Variants in ARFGEF2 observed in about 807,000 individuals in gnomAD.
ARFGEF2 encodes ARF guanine nucleotide exchange factor 2, also known as brefeldin A-inhibited guanine nucleotide-exchange protein 2.
ARFGEF2 carries 74 observed loss-of-function variants against 219.9 expected under a neutral mutation model. That is an observed-to-expected ratio of 0.34 (90% confidence interval 0.28 to 0.41). The LOEUF (loss-of-function observed/expected upper bound fraction) is 0.41. ARFGEF2 is among the 10% of genes least tolerant of loss of function. The pLI is 1.00. For missense variants in ARFGEF2, 1,743 were observed against 2,218.3 expected (o/e 0.79, Z 4.30); for synonymous variants, 733 against 799.2 (o/e 0.92, Z 1.40).
intron 25 of ARFGEF2, among the ~76,000 whole-genome samples, chr20:49,003,278 A>G (rs1338411812): frequency 1.3e-5 from 2 of 151,384 alleles, no homozygotes; most frequent in Non-Finnish European, 2.9e-5. Context: ...CCAATTTTTC[A>G]TTATTACAAA....
intron 3 of ARFGEF2, 88 bp from the exon 4 acceptor site, chr20:48,951,235 T>C: frequency 6.6e-7 from 1 of 1,510,256 alleles, no homozygotes. Context: ...GAACTGGAAG[T>C]GCCTGTCTTT....
At chr20:48,974,473 A>G (rs980818315) in intron 12 of ARFGEF2, among the ~76,000 whole-genome samples, 1 of 152,158 alleles carries the variant, frequency 6.6e-6, no homozygotes, top group African/African-American at 2.4e-5. Context: ...CACATAAGCA[A>G]TGAATGAAAA....
In ARFGEF2 at chr20:48,921,748, TG is replaced by T; in HGVS notation, c.-138del. 3 of 870,480 alleles carry T rather than the reference TG, an allele frequency of 3.4e-6. No individual in the cohort carries two copies. The highest frequency in any genetic ancestry group is 4.4e-6 in the Non-Finnish European group (3 of 687,682). 53.9% of individuals were successfully genotyped at this position (870,480 alleles called of 1,614,324 possible). ...GACGCGCTCCAACATGGCGGCGCCGTGGGGCCGAGGTGTCGCTTCCTGACGG... is the reference window on the plus strand; with the variant it reads ...GACGCGCTCCAACATGGCGGCGCCGTGGGCCGAGGTGTCGCTTCCTGACGG... On this transcript the variant is annotated 5_prime_UTR_variant, in exon 1 of 39. An upstream open reading frame in the 5' UTR loses its in-frame stop. Coordinates refer to ENST00000371917, the MANE Select transcript of ARFGEF2 (RefSeq NM_006420.3).
At chr20:48,931,757 G>A (rs983404655) in intron 1 of ARFGEF2, among the ~76,000 whole-genome samples, 2 of 152,194 alleles carry the variant, frequency 1.3e-5, no homozygotes, top group African/African-American at 4.8e-5. Context: ...CGAGCAAGTA[G>A]GCCAGGGCCA....
chr20:48,984,613 G>C (rs1364876116), intron 14 of ARFGEF2, 116 bp from the exon 15 acceptor site: 1 of 1,333,690 alleles, frequency 7.5e-7, no homozygotes, highest in Non-Finnish European at 1.1e-6. Context: ...GACCTTGCTA[G>C]CTTATACGTG....
chr20:48,960,884 A>C (rs1346249267), intron 6 of ARFGEF2, among the ~76,000 whole-genome samples: 1 of 151,282 alleles, frequency 6.6e-6, no homozygotes, highest in Non-Finnish European at 1.5e-5. Flanking sequence ...GATCGAGACC[A>C]TCCTGGCCAA....
At chr20:49,026,795 T>C (rs1300684293) in intron 36 of ARFGEF2, among the ~76,000 whole-genome samples, 2 of 152,024 alleles carry the variant, frequency 1.3e-5, no homozygotes, top group African/African-American at 4.8e-5. Context: ...CATGTTGGCC[T>C]AGCTGGTCTT....
intron 38 of ARFGEF2, 77 bp downstream of exon 38, chr20:49,032,243 T>A: frequency 2.0e-6 from 2 of 1,023,330 alleles, no homozygotes; most frequent in Non-Finnish European, 1.5e-6. Flanking sequence ...GAGTTTGCAG[T>A]AACTATTTTC....
intron 8 of ARFGEF2, 95 bp downstream of exon 8, chr20:48,966,118 A>G: frequency 6.8e-7 from 1 of 1,479,780 alleles, no homozygotes; most frequent in Non-Finnish European, 9.3e-7. Context: ...CAACTAAAAT[A>G]AGCAAGCCCT....
At chr20:48,947,827 G>A (rs1427133322) in intron 3 of ARFGEF2, among the ~76,000 whole-genome samples, 2 of 152,226 alleles carry the variant, frequency 1.3e-5, no homozygotes, top group East Asian at 3.8e-4. Flanking sequence ...CTGCACTCCA[G>A]CCTGGGTGAC....
intron 8 of ARFGEF2, 97 bp downstream of exon 8, chr20:48,966,120 G>C: frequency 6.8e-7 from 1 of 1,472,576 alleles, no homozygotes; most frequent in South Asian, 1.2e-5. Flanking sequence ...ACTAAAATAA[G>C]CAAGCCCTGT....
chr20:49,015,938 T>C (rs1042387142), intron 30 of ARFGEF2, among the ~76,000 whole-genome samples: 2 of 152,258 alleles, frequency 1.3e-5, no homozygotes, highest in Non-Finnish European at 2.9e-5. Flanking sequence ...TTTTTAAATA[T>C]ATAAATAATG....
intron 32 of ARFGEF2, 36 bp downstream of exon 32, chr20:49,017,423 T>C: frequency 6.2e-7 from 1 of 1,613,952 alleles, no homozygotes; most frequent in Non-Finnish European, 8.5e-7. Flanking sequence ...TTTATCTCTG[T>C]GTTCAGTGGA....
rs752237361 is a variant in ARFGEF2 at position 48,976,031 on chromosome 20, C to T, written c.1790C>T (p.Thr597Met). 13 of 1,612,236 alleles carry T rather than the reference C, an allele frequency of 8.1e-6. No individual in the cohort carries two copies. In the Middle Eastern group the frequency reaches 6.4e-4, roughly 80 times the overall value. ...TTCTCCGCAGGTCAGGAGAGGCTCA[C>T]GGATCAGGAAATAGGGGATGGGAAA... ...HQTSLGQERL[T>M]DQEIGDGKGL... Residue 597 changes from threonine to methionine, a missense_variant, in exon 14 of 39, where the codon ACG becomes ATG. Thr to Met is a moderately conservative substitution (Grantham distance 81). This residue lies in a region of ARFGEF2 where 666 missense variants were observed against 955.4 expected (regional missense o/e 0.70). Coordinates refer to ENST00000371917, the MANE Select transcript of ARFGEF2 (RefSeq NM_006420.3).
chr20:48,963,095 G>A (rs2091163987), intron 6 of ARFGEF2, among the ~76,000 whole-genome samples: 2 of 149,744 alleles, frequency 1.3e-5, no homozygotes, highest in African/African-American at 5.0e-5. Flanking sequence ...AGGATTGCTT[G>A]AGCCAAGGAG....
chr20:49,019,297 C>T (rs1285568576), intron 34 of ARFGEF2, among the ~76,000 whole-genome samples: 1 of 152,112 alleles, frequency 6.6e-6, no homozygotes, highest in South Asian at 2.1e-4. Context: ...TACATTCACA[C>T]ACATACATAT....
intron 20 of ARFGEF2, among the ~76,000 whole-genome samples, chr20:48,990,773 T>C (rs2091353045): frequency 1.3e-5 from 2 of 152,206 alleles, no homozygotes; most frequent in Admixed American, 1.3e-4. Context: ...ACAGACATAG[T>C]GGAACATGGG....
intron 34 of ARFGEF2, among the ~76,000 whole-genome samples, chr20:49,022,747 T>C (rs1242361835): frequency 6.6e-6 from 1 of 152,210 alleles, no homozygotes; most frequent in African/African-American, 2.4e-5. Context: ...AAATATTTCA[T>C]TTATTGTCTG....
chr20:49,004,983 G>C (rs1316727579), intron 25 of ARFGEF2, 87 bp from the exon 26 acceptor site: 2 of 1,431,570 alleles, frequency 1.4e-6, no homozygotes, highest in East Asian at 4.5e-5. Context: ...TGTTTTGAAG[G>C]TAGGCTGTCC....
Sources: allele counts gnomAD v4.1 joint callset (sites outside exome capture counted in the v4.1 genomes callset), GRCh38; gene constraint gnomAD v4.1.1; regional missense constraint gnomAD v4.1.1; transcripts MANE v1.5; gene names NCBI Gene and HGNC (gene_info 2026-07-23, HGNC 2026-07-21).